The following TMCO1 variants were observed in gnomAD, a reference collection of about 807,000 sequenced individuals.
TMCO1 encodes the protein transmembrane and coiled-coil domains 1.
In TMCO1, 29 loss-of-function variants were observed where a neutral mutation model predicts 29.3. The observed-to-expected ratio is 0.99, with a 90% CI of 0.74 to 1.35. The LOEUF is 1.35. TMCO1 is among the 40% of genes most tolerant of loss of function. TMCO1 has a pLI of 0.00. For synonymous variants in TMCO1, 80 were observed against 77.1 expected (o/e 1.04, Z -0.20); for missense variants, 173 against 225.5 (o/e 0.77, Z 1.49).
chr1:165,730,173 C>CA (rs564225543), intron 6 of TMCO1, among the ~76,000 whole-genome samples: 16 of 133,754 alleles, frequency 1.2e-4, no homozygotes, highest in Non-Finnish European at 1.1e-4. Context: ...TACACACACA[C>CA]AAAAAAAAAA....
At chr1:165,751,596 C>T (rs1170968742) in intron 5 of TMCO1, among the ~76,000 whole-genome samples, 3 of 151,460 alleles carry the variant, frequency 2.0e-5, no homozygotes, top group African/African-American at 7.3e-5. Context: ...ACCAGCTACT[C>T]GGGAGGCTGA....
chr1:165,739,208 T>C (rs551384227), intron 6 of TMCO1, among the ~76,000 whole-genome samples: 2 of 152,304 alleles, frequency 1.3e-5, no homozygotes, highest in Non-Finnish European at 2.9e-5. Context: ...TAATAGCATA[T>C]ACCGTACACT....
chr1:165,729,154 A>G (rs917074343), intron 6 of TMCO1, among the ~76,000 whole-genome samples: 1 of 151,432 alleles, frequency 6.6e-6, no homozygotes, highest in African/African-American at 2.4e-5. Context: ...TACAGTGTTG[A>G]AAGTACTCAG....
intron 5 of TMCO1, among the ~76,000 whole-genome samples, chr1:165,751,352 A>G (rs898557909): frequency 6.6e-6 from 1 of 152,216 alleles, no homozygotes; most frequent in African/African-American, 2.4e-5. Context: ...TGTCTTATAC[A>G]TAAAACACCC....
intron 2 of TMCO1, among the ~76,000 whole-genome samples, chr1:165,766,778 A>AAATAAATAAAAAT (rs56155420): frequency 3.6e-4 from 54 of 151,150 alleles, no homozygotes; most frequent in Non-Finnish European, 7.1e-4. Flanking sequence ...ATAAATAAAT[A>AAATAAATAAAAAT]AAAAATAAAA....
chr1:165,730,168 ACAC>A (rs1558028426), intron 6 of TMCO1, among the ~76,000 whole-genome samples: 8 of 107,606 alleles, frequency 7.4e-5, no homozygotes, highest in South Asian at 6.2e-4. Context: ...AAAAATACAC[ACAC>A]ACAAAAAAAA....
intron 3 of TMCO1, 46 bp downstream of exon 3, chr1:165,759,476 ATTT>A: frequency 7.5e-7 from 1 of 1,334,596 alleles, no homozygotes; most frequent in Non-Finnish European, 1.1e-6. Flanking sequence ...CTAAGAATTA[ATTT>A]TTTTAAGAAA....
chr1:165,732,984 G>T (rs367865222), intron 6 of TMCO1, among the ~76,000 whole-genome samples: 2 of 152,046 alleles, frequency 1.3e-5, no homozygotes, highest in Admixed American at 6.6e-5. Flanking sequence ...CTAAAAAAAA[G>T]AATAACAACA....
chr1:165,740,684 G>A (rs1234098782), intron 6 of TMCO1, among the ~76,000 whole-genome samples: 1 of 152,160 alleles, frequency 6.6e-6, no homozygotes, highest in African/African-American at 2.4e-5. Context: ...ATGTGTCCCC[G>A]AAAAGTTCAT....
chr1:165,736,207 A>G (rs1260866770), intron 6 of TMCO1, among the ~76,000 whole-genome samples: 1 of 152,220 alleles, frequency 6.6e-6, no homozygotes, highest in African/African-American at 2.4e-5. Flanking sequence ...CAGCCTCTAG[A>G]AGAGTAAGAA....
At chr1:165,761,531 G>A (rs1441190801) in intron 2 of TMCO1, among the ~76,000 whole-genome samples, 1 of 151,216 alleles carries the variant, frequency 6.6e-6, no homozygotes, top group Non-Finnish European at 1.5e-5. Context: ...AGACCCTGTC[G>A]CCAAAATAAA....
chr1:165,727,678 A>G lies in TMCO1; in HGVS notation c.*345T>C, dbSNP rs756804431. 1.1e-4 allele frequency: 50 copies of G among 454,498 alleles called. No individual in the cohort carries two copies. The highest frequency in any genetic ancestry group is 2.0e-4 in the Non-Finnish European group (46 of 227,158). 28.2% of individuals were successfully genotyped at this position (454,498 alleles called of 1,614,324 possible). A position where few individuals can be genotyped will look rare whatever the true frequency, so the allele number is the denominator to read the frequency against. ...TTCTTCTAAATCTCTAAATGCTCAT[A>G]GACAGCCAACTTGCAGGGCATACAC... is the stretch of plus-strand genomic sequence containing the variant. On this transcript the variant is annotated 3_prime_UTR_variant, in exon 7 of 7. Transcript: ENST00000367881.
Position 165,743,310 on chromosome 1 carries a change from ATC to A in TMCO1, c.324-1_324del. On this transcript the variant is annotated splice_acceptor_variant and coding_sequence_variant, in exon 6 of 7. Transcript: ENST00000367881. LOFTEE classifies it high-confidence loss of function. ...AGCTTTGCCACCACTCTACCATCAAATCTAAAAGAAAAAAAAAAAAAAAGAAT... is the reference window on the plus strand; with the variant it reads ...AGCTTTGCCACCACTCTACCATCAAATAAAAGAAAAAAAAAAAAAAAGAAT... 6.2e-7 allele frequency: 1 copy of A among 1,610,318 alleles called. No individual in the cohort carries two copies. The highest frequency in any genetic ancestry group is 1.7e-5 in the Admixed American group (1 of 59,444).
At chr1:165,763,060 T>C (rs1324000787) in intron 2 of TMCO1, among the ~76,000 whole-genome samples, 3 of 152,192 alleles carry the variant, frequency 2.0e-5, no homozygotes, top group Non-Finnish European at 4.4e-5. Flanking sequence ...GACTGCTTTT[T>C]GGACAACAGT....
chr1:165,752,859 C>T (rs1290123580), intron 4 of TMCO1, among the ~76,000 whole-genome samples: 2 of 152,044 alleles, frequency 1.3e-5, no homozygotes, highest in African/African-American at 2.4e-5. Flanking sequence ...CCACCCTTCA[C>T]CTCCAATTCC....
chr1:165,726,359 CAA>C, downstream of TMCO1: 1 of 657,782 alleles, frequency 1.5e-6, no homozygotes, highest in Non-Finnish European at 2.8e-6. Flanking sequence ...ATAAGGAGAA[CAA>C]AAAAAAAGAC....
chr1:165,754,353 TG>T, intron 3 of TMCO1, 79 bp from the exon 4 acceptor site: 1 of 1,165,846 alleles, frequency 8.6e-7, no homozygotes, highest in Non-Finnish European at 1.3e-6. Context: ...CACTGATTGG[TG>T]ATTACAAAAG....
At chr1:165,756,397 C>T (rs1389948600) in intron 3 of TMCO1, among the ~76,000 whole-genome samples, 1 of 152,136 alleles carries the variant, frequency 6.6e-6, no homozygotes, top group Non-Finnish European at 1.5e-5. Flanking sequence ...TACCACGGTT[C>T]CTGCCTTCCT....
At chr1:165,730,361 A>AAACAAAAC (rs758363324) in intron 6 of TMCO1, among the ~76,000 whole-genome samples, 1 of 151,668 alleles carries the variant, frequency 6.6e-6, no homozygotes, top group South Asian at 2.1e-4. Flanking sequence ...AAAACAAAAA[A>AAACAAAAC]AAAAAAAGAA....
Sources: gnomAD v4.1 joint callset for allele counts (sites outside exome capture counted in the v4.1 genomes callset) on GRCh38, gnomAD v4.1.1 for gene constraint, MANE v1.5 for transcripts, NCBI Gene and HGNC (gene_info 2026-07-23, HGNC 2026-07-21) for gene names.